SETD2: variants seen among roughly 807,000 people sequenced by gnomAD.
SETD2 encodes SET domain containing 2, histone lysine methyltransferase.
Under a neutral mutation model 242.1 loss-of-function variants are expected in SETD2, and 31 were observed. The ratio of observed to expected loss-of-function variants is 0.13; its 90% CI spans 0.10 to 0.17. The LOEUF (loss-of-function observed/expected upper bound fraction) is 0.17. Among genes scored for constraint, SETD2 ranks in the 10% least tolerant of loss-of-function variants. The probability of loss-of-function intolerance (pLI) is 1.00; values close to 1 mark genes in which losing one functional copy is unlikely to be tolerated. For synonymous variants in SETD2, 1,006 were observed against 1,066.5 expected (o/e 0.94, Z 1.11); for missense variants, 2,481 against 3,046.3 (o/e 0.81, Z 4.37).
Position 47,057,469 on chromosome 3 carries a change from T to G in SETD2, c.6315A>C (p.Lys2105Asn). ...TGCGGTCTTTAATTCGTACTTTCTT[T>G]TTAGAAGTTGGTGTATCATATCTAG... ...PDDRYDTPTSKKKVRIKDRNK... is the reference protein window; with the variant it reads ...PDDRYDTPTSNKKVRIKDRNK... The change falls in exon 15 of 21, where the codon AAA becomes AAC. Residue 2105 changes from lysine (K) to asparagine (N), a missense_variant. Physicochemically the swap from Lys to Asn is moderately conservative, Grantham distance 94. Coordinates refer to ENST00000409792, the MANE Select transcript of SETD2 (RefSeq NM_014159.7). 1 of 1,614,048 alleles carries G rather than the reference T, an allele frequency of 6.2e-7. No homozygotes were observed. The highest frequency in any genetic ancestry group is 2.2e-5 in the East Asian group (1 of 44,888).
chr3:47,026,462 C>A (rs2038484845), intron 18 of SETD2, among the ~76,000 whole-genome samples: 1 of 152,128 alleles, frequency 6.6e-6, no homozygotes, highest in African/African-American at 2.4e-5. Context: ...GGGTATATAC[C>A]ACAAGGATTA....
intron 8 of SETD2, among the ~76,000 whole-genome samples, chr3:47,100,589 G>T (rs1054834400): frequency 3.3e-5 from 5 of 151,952 alleles, no homozygotes; most frequent in African/African-American, 1.2e-4. Context: ...TAGAACACAG[G>T]GATTTTACAT....
chr3:47,051,608 A>G (rs1345498500), intron 15 of SETD2, among the ~76,000 whole-genome samples: 1 of 152,218 alleles, frequency 6.6e-6, no homozygotes, highest in Non-Finnish European at 1.5e-5. Flanking sequence ...TACTACTGGT[A>G]TCTTCACTTA....
chr3:47,104,106 T>C (rs2042318375), intron 6 of SETD2, among the ~76,000 whole-genome samples: 1 of 151,934 alleles, frequency 6.6e-6, no homozygotes, highest in Non-Finnish European at 1.5e-5. Flanking sequence ...GTTAGGTCCC[T>C]AGAATTTACA....
In SETD2 at chr3:47,157,149, G is replaced by A. The variant is rs140981668; in HGVS notation, c.71+6705C>T. 2.2e-3 allele frequency among the ~76,000 whole-genome samples: 338 copies of A among 152,124 alleles called. 1 individual carries two copies. The highest frequency in any genetic ancestry group is 7.5e-3 in the African/African-American group (312 of 41,486). ...ATGGTGGCATGTGCCCACAGTCCCC[G>A]CTACTCAGAAGGCTGAAGTGAGAGA... On this transcript the variant is annotated intron_variant, in intron 1 of 20. Coordinates refer to ENST00000409792, the MANE Select transcript of SETD2 (RefSeq NM_014159.7).
rs768298512 is a variant in SETD2 at position 47,096,730 on chromosome 3, G to A, written c.5142+1225C>T. On this transcript the variant is annotated intron_variant, in intron 9 of 20. Transcript: ENST00000409792. ...CTACTGTACTCTGGCCTGTGGAACA[G>A]TGCGAGACGTTGTCTCAAAAAAAAA... Among the ~76,000 whole-genome samples the A allele has an allele frequency of 1.3e-5, 2 of 152,128 alleles. 1 individual carries two copies. The highest frequency in any genetic ancestry group is 4.1e-4 in the South Asian group (2 of 4,822).
chr3:47,105,947 CT>C (rs775293566), intron 6 of SETD2, 49 bp downstream of exon 6: 4 of 1,552,754 alleles, frequency 2.6e-6, no homozygotes, highest in Non-Finnish European at 3.5e-6. Flanking sequence ...TCAATGGCTC[CT>C]TCAAACCTAA....
chr3:47,113,232 C>A (rs569393059), intron 5 of SETD2, among the ~76,000 whole-genome samples: 1 of 151,634 alleles, frequency 6.6e-6, no homozygotes, highest in African/African-American at 2.4e-5. Flanking sequence ...CTTCCCATAG[C>A]GCTGAGATTA....
chr3:47,084,465 C>G, intron 11 of SETD2, 83 bp from the exon 12 acceptor site: 1 of 943,928 alleles, frequency 1.1e-6, no homozygotes, highest in Non-Finnish European at 1.6e-6. Context: ...CACTCTGTCA[C>G]CCAGGCTGGA....
At chr3:47,048,303 C>T (rs774462813) in intron 15 of SETD2, among the ~76,000 whole-genome samples, 1 of 152,128 alleles carries the variant, frequency 6.6e-6, no homozygotes, top group Non-Finnish European at 1.5e-5. Context: ...GCAGAAGAAT[C>T]GCTTGAACCC....
chr3:47,044,814 T>C lies in SETD2; in HGVS notation c.7098+1673A>G, dbSNP rs1461997518. ...TACATGCCTAGTCCATGGTGACTAG[T>C]ACAGTATCATATTCTAGTACAGGTT... On this transcript the variant is annotated intron_variant, in intron 16 of 20. Coordinates refer to ENST00000409792, the MANE Select transcript of SETD2 (RefSeq NM_014159.7). 8.5e-5 allele frequency among the ~76,000 whole-genome samples: 13 copies of C among 152,194 alleles called. 1 individual carries two copies. In the East Asian group the frequency reaches 2.3e-3, roughly 27 times the overall value.
Position 47,045,425 on chromosome 3 carries a change from G to A in SETD2, c.7098+1062C>T, listed in dbSNP as rs529881781. Among the ~76,000 whole-genome samples, 393 of 151,856 alleles carry A rather than the reference G, an allele frequency of 2.6e-3. 2 individuals are homozygous for A. Among genetic ancestry groups the A allele is most frequent in the Non-Finnish European group, 4.3e-3 (291 of 67,960 alleles). On this transcript the variant is annotated intron_variant, in intron 16 of 20. Transcript: ENST00000409792. Reference sequence around the variant, plus strand: ...CCCAGCTACTCAGGAGGCTGAGGCCGGAGAATGGTGAGAACCCAGGAGGCG... The same window carrying A: ...CCCAGCTACTCAGGAGGCTGAGGCCAGAGAATGGTGAGAACCCAGGAGGCG...
At chr3:47,142,670 CT>C (rs376806677) in intron 1 of SETD2, among the ~76,000 whole-genome samples, 6,161 of 139,514 alleles carry the variant, frequency 0.044, 418 homozygotes, top group African/African-American at 0.15. Context: ...TATACATTGT[CT>C]TTTTTTTTTT....
At position 47,122,427 on chromosome 3, in the gene SETD2, T is replaced by G; in HGVS notation, c.2209A>C (p.Met737Leu). 1 of 1,614,190 alleles carries G rather than the reference T, an allele frequency of 6.2e-7. No individual in the cohort carries two copies. The highest frequency in any genetic ancestry group is 8.5e-7 in the Non-Finnish European group (1 of 1,180,020). ...GGGCTTTCTGACTTCTTATGCAGCA[T>G]GCAGGTATCATCCAAGTCTTTTTCT... is the stretch of plus-strand genomic sequence containing the variant. ...CKEKDLDDTC[M>L]LHKKSESPFR... The change falls in exon 3 of 21, where the codon ATG becomes CTG. Residue 737 changes from methionine to leucine, a missense_variant. Around this residue, in one of 17 missense-constraint regions of SETD2, gnomAD observed 1,300 missense variants for 1,259.2 expected, o/e 1.03. Transcript: ENST00000409792.
intron 5 of SETD2, among the ~76,000 whole-genome samples, chr3:47,107,722 G>GC (rs199800988): frequency 0.014 from 14 of 972 alleles, no homozygotes; most frequent in East Asian, 0.038. Flanking sequence ...TTGGGTGGCG[G>GC]GGGGGGGTGG....
intron 18 of SETD2, among the ~76,000 whole-genome samples, chr3:47,031,626 G>C (rs1460513210): frequency 1.3e-5 from 2 of 152,138 alleles, no homozygotes; most frequent in Non-Finnish European, 2.9e-5. Context: ...GTAAATATGT[G>C]GGTAAATATA....
At chr3:47,043,884 A>G (rs1277556843) in intron 16 of SETD2, among the ~76,000 whole-genome samples, 1 of 152,188 alleles carries the variant, frequency 6.6e-6, no homozygotes, top group East Asian at 1.9e-4. Flanking sequence ...TAATAGTTTA[A>G]GGCAAAAAAG....
intron 18 of SETD2, among the ~76,000 whole-genome samples, chr3:47,037,032 GTCTC>G (rs2039031233): frequency 7.3e-6 from 1 of 136,738 alleles, no homozygotes; most frequent in East Asian, 2.2e-4. Flanking sequence ...ATGCATCTGA[GTCTC>G]TCAATGTCTA....
At chr3:47,040,243 T>C (rs981131111) in intron 17 of SETD2, among the ~76,000 whole-genome samples, 3 of 152,102 alleles carry the variant, frequency 2.0e-5, no homozygotes, top group Admixed American at 6.6e-5. Context: ...CCTCCCAAAG[T>C]GCTGGGATTA....
Sources: gnomAD v4.1 joint callset for allele counts (sites outside exome capture counted in the v4.1 genomes callset) on GRCh38, gnomAD v4.1.1 for gene constraint, gnomAD v4.1.1 regional missense constraint, MANE v1.5 for transcripts, NCBI Gene and HGNC (gene_info 2026-07-23, HGNC 2026-07-21) for gene names.